Variants in MAPKAP1 observed in about 807,000 individuals in gnomAD.
MAPKAP1 encodes target of rapamycin complex 2 subunit MAPKAP1.
Under a neutral mutation model 65.7 loss-of-function variants are expected in MAPKAP1, and 20 were observed. The ratio of observed to expected loss-of-function variants is 0.30; its 90% CI spans 0.21 to 0.44. The LOEUF (loss-of-function observed/expected upper bound fraction) is 0.44, where lower values mean the gene tolerates loss of function less well. Among genes scored for constraint, MAPKAP1 ranks in the 20% least tolerant of loss-of-function variants. The pLI is 1.00. For missense variants in MAPKAP1, 423 were observed against 648.0 expected (o/e 0.65, Z 3.77); for synonymous variants, 222 against 244.3 (o/e 0.91, Z 0.85).
intron 8 of MAPKAP1, among the ~76,000 whole-genome samples, chr9:125,485,600 C>T (rs1001144073): frequency 2.6e-5 from 4 of 152,206 alleles, no homozygotes; most frequent in Non-Finnish European, 4.4e-5. Context: ...TTTTATAATT[C>T]TGGGCCTTTG....
At chr9:125,502,793 T>C (rs1457784532) in intron 8 of MAPKAP1, among the ~76,000 whole-genome samples, 1 of 152,244 alleles carries the variant, frequency 6.6e-6, no homozygotes, top group Non-Finnish European at 1.5e-5. Context: ...CGCCTGTCCA[T>C]GAGGTTAAGT....
intron 1 of MAPKAP1, among the ~76,000 whole-genome samples, chr9:125,695,175 A>T (rs144458238): frequency 1.3e-5 from 2 of 152,350 alleles, no homozygotes; most frequent in African/African-American, 4.8e-5. Flanking sequence ...ATTCGCTTGT[A>T]AACTGTTTCT....
At chr9:125,668,021 T>C (rs1301065591) in intron 3 of MAPKAP1, among the ~76,000 whole-genome samples, 1 of 152,158 alleles carries the variant, frequency 6.6e-6, no homozygotes, top group Admixed American at 6.5e-5. Context: ...AACTACTGCA[T>C]TCAAGCAAGT....
chr9:125,483,077 C>A (rs886540723), intron 9 of MAPKAP1, among the ~76,000 whole-genome samples: 5 of 152,198 alleles, frequency 3.3e-5, no homozygotes, highest in African/African-American at 1.2e-4. Flanking sequence ...CTGAGCACCA[C>A]ACTCTACTGC....
intron 4 of MAPKAP1, among the ~76,000 whole-genome samples, chr9:125,602,393 T>A (rs1241518306): frequency 6.6e-6 from 1 of 152,204 alleles, no homozygotes; most frequent in Non-Finnish European, 1.5e-5. Flanking sequence ...CCAAAAAGTC[T>A]GATTATCGGG....
rs546474466 is a variant in MAPKAP1, at chr9:125,493,590, C to T, written c.1067-9007G>A. On this transcript the variant is annotated intron_variant, in intron 8 of 11. Coordinates refer to ENST00000265960, the MANE Select transcript of MAPKAP1 (RefSeq NM_001006617.3). Reference sequence around the variant, plus strand: ...AGCACCTGAGGTTTGTACACCACCCCTTGTATTTACCTTGGCTAACAGCAC... The same window carrying T: ...AGCACCTGAGGTTTGTACACCACCCTTTGTATTTACCTTGGCTAACAGCAC... Among the ~76,000 whole-genome samples the T allele has an allele frequency of 1.2e-3, 188 of 152,310 alleles. 2 individuals are homozygous for T. Among genetic ancestry groups the T allele is most frequent in the African/African-American group, 4.3e-3 (178 of 41,576 alleles).
chr9:125,555,521 C>T lies in MAPKAP1; in HGVS notation c.848+4112G>A, dbSNP rs116638767. ...GTGAGGGCCTCTAAAGGTCAGAAGG[C>T]GACATGGGCTTCCTGGTATTTGAAA... On this transcript the variant is annotated intron_variant, in intron 6 of 11. Coordinates refer to ENST00000265960, the MANE Select transcript of MAPKAP1 (RefSeq NM_001006617.3). 7.4e-3 allele frequency among the ~76,000 whole-genome samples: 1,132 copies of T among 152,248 alleles called. 19 individuals carry two copies. The highest frequency in any genetic ancestry group is 0.025 in the African/African-American group (1,053 of 41,546).
chr9:125,449,315 T>A (rs190287757), intron 10 of MAPKAP1, among the ~76,000 whole-genome samples: 35 of 152,302 alleles, frequency 2.3e-4, no homozygotes, highest in African/African-American at 7.7e-4. Flanking sequence ...ATATGTCACA[T>A]ACATCCCTGC....
intron 4 of MAPKAP1, among the ~76,000 whole-genome samples, chr9:125,648,056 A>C (rs1341368598): frequency 2.6e-5 from 4 of 152,150 alleles, no homozygotes; most frequent in African/African-American, 9.7e-5. Context: ...CCACTGCTAA[A>C]GGAAAAACTT....
intron 5 of MAPKAP1, among the ~76,000 whole-genome samples, chr9:125,584,634 C>T (rs1461600665): frequency 6.6e-6 from 1 of 152,166 alleles, no homozygotes; most frequent in African/African-American, 2.4e-5. Flanking sequence ...ACCATGTTGG[C>T]CAGGCTGGTC....
chr9:125,525,698 AAAAC>A (rs1005067818), intron 7 of MAPKAP1, among the ~76,000 whole-genome samples: 8 of 150,210 alleles, frequency 5.3e-5, no homozygotes, highest in South Asian at 2.1e-4. Flanking sequence ...AACAAAAACA[AAAAC>A]AAACAAAAAA....
intron 4 of MAPKAP1, among the ~76,000 whole-genome samples, chr9:125,652,769 C>T (rs1005664841): frequency 6.6e-6 from 1 of 152,110 alleles, no homozygotes; most frequent in Non-Finnish European, 1.5e-5. Context: ...AATAGCCAAT[C>T]CCCCACCCAC....
At position 125,595,828 on chromosome 9, in the gene MAPKAP1, CG is replaced by C; in HGVS notation, c.499-10102del. ...TGAAAGATTCCAACACCAAGCGTTC[CG>C]GGGGTTTTGGGTTTGTCACCTATGC... On this transcript the variant is annotated intron_variant, in intron 4 of 11. Transcript: ENST00000265960. This position sits in a 1 kb window ranked among gnomAD's most constrained non-coding sequence, Gnocchi z 4.0. 2.6e-6 allele frequency: 3 copies of C among 1,135,410 alleles called. No homozygotes were observed. The highest frequency in any genetic ancestry group is 1.7e-5 in the Admixed American group (1 of 58,994). The allele number at this position is 1,135,410 out of a possible 1,614,324, so 70.3% of individuals were successfully genotyped here. A position where few individuals can be genotyped will look rare whatever the true frequency, so the allele number is the denominator to read the frequency against.
At chr9:125,667,050 G>A (rs1175791526) in intron 3 of MAPKAP1, among the ~76,000 whole-genome samples, 1 of 152,202 alleles carries the variant, frequency 6.6e-6, no homozygotes, top group Non-Finnish European at 1.5e-5. Flanking sequence ...ACACAGAAAA[G>A]AGAGAGAAGG....
intron 10 of MAPKAP1, chr9:125,451,180 T>C (rs1254220830): frequency 6.6e-6 from 1 of 152,230 alleles, no homozygotes; most frequent in Non-Finnish European, 1.5e-5. Flanking sequence ...CTCTCATGTA[T>C]CGAAAACATT....
At chr9:125,590,569 G>A (rs986938804) in intron 4 of MAPKAP1, among the ~76,000 whole-genome samples, 2 of 151,788 alleles carry the variant, frequency 1.3e-5, no homozygotes, top group Non-Finnish European at 2.9e-5. Context: ...AGAATTGCTT[G>A]CAACTGGGAG....
At chr9:125,608,204 T>A (rs957793219) in intron 4 of MAPKAP1, among the ~76,000 whole-genome samples, 3 of 152,238 alleles carry the variant, frequency 2.0e-5, no homozygotes, top group South Asian at 4.1e-4. Context: ...GAAGTTTTAA[T>A]CAAATAGCTG....
intron 4 of MAPKAP1, among the ~76,000 whole-genome samples, chr9:125,588,779 C>G (rs998226398): frequency 6.6e-6 from 1 of 152,126 alleles, no homozygotes; most frequent in African/African-American, 2.4e-5. Context: ...ATGAGTGGCT[C>G]CCAAACACCG....
At chr9:125,693,524 TACACATATAC>T (rs1564619852) in intron 1 of MAPKAP1, among the ~76,000 whole-genome samples, 1 of 113,976 alleles carries the variant, frequency 8.8e-6, no homozygotes, top group African/African-American at 4.4e-5. Flanking sequence ...CACACATATA[TACACATATAC>T]ACACACATAT....
Sources: allele counts gnomAD v4.1 joint callset (sites outside exome capture counted in the v4.1 genomes callset), GRCh38; gene constraint gnomAD v4.1.1; non-coding constraint Gnocchi (gnomAD v3.1); transcripts MANE v1.5; gene names NCBI Gene and HGNC (gene_info 2026-07-23, HGNC 2026-07-21).